AP2B1: variants seen among roughly 807,000 people sequenced by gnomAD.
The protein encoded by AP2B1 is adaptor related protein complex 2 subunit beta 1.
A neutral mutation model predicts 102.0 loss-of-function variants in AP2B1; 23 were observed. That is an observed-to-expected ratio of 0.23 (90% confidence interval 0.16 to 0.32). The LOEUF (loss-of-function observed/expected upper bound fraction) is 0.32. Among genes scored for constraint, AP2B1 ranks in the 10% least tolerant of loss-of-function variants. The pLI is 1.00. For missense variants in AP2B1, 541 were observed against 1,157.4 expected, an observed-to-expected ratio of 0.47 and a Z score of 7.73; for synonymous variants, 381 against 421.2, an observed-to-expected ratio of 0.90 and a Z score of 1.17.
chr17:35,602,985 T>G (rs1345100605), intron 3 of AP2B1, among the ~76,000 whole-genome samples: 1 of 152,194 alleles, frequency 6.6e-6, no homozygotes, highest in Non-Finnish European at 1.5e-5. Context: ...GAGTATTTAC[T>G]AAATATCTAC....
intron 14 of AP2B1, among the ~76,000 whole-genome samples, chr17:35,669,836 C>T (rs1227802036): frequency 3.3e-5 from 5 of 152,140 alleles, no homozygotes; most frequent in Non-Finnish European, 7.3e-5. Flanking sequence ...TTAGAACAGA[C>T]AAGGCATTTG....
intron 17 of AP2B1, among the ~76,000 whole-genome samples, chr17:35,682,332 CT>C (rs146718015): frequency 0.038 from 5,272 of 139,450 alleles, 216 homozygotes; most frequent in East Asian, 0.097. Flanking sequence ...AAAATCCTGC[CT>C]CTTTTTTTTT....
chr17:35,615,009 G>A (rs1301716013), intron 5 of AP2B1, among the ~76,000 whole-genome samples: 2 of 152,124 alleles, frequency 1.3e-5, no homozygotes, highest in African/African-American at 4.8e-5. Context: ...AGTGCTACTG[G>A]CATATATCGG....
At chr17:35,632,918 T>A (rs2142645226) in intron 9 of AP2B1, among the ~76,000 whole-genome samples, 1 of 151,704 alleles carries the variant, frequency 6.6e-6, no homozygotes, top group East Asian at 1.9e-4. Context: ...ACATAATTTA[T>A]TAATATAACA....
At chr17:35,713,573 C>T (rs1456100725) in intron 20 of AP2B1, among the ~76,000 whole-genome samples, 1 of 152,204 alleles carries the variant, frequency 6.6e-6, no homozygotes, top group Non-Finnish European at 1.5e-5. Flanking sequence ...TCCAGCTGAT[C>T]TGCCCTAATC....
chr17:35,603,869 C>T (rs1439646883), intron 3 of AP2B1, among the ~76,000 whole-genome samples: 3 of 152,184 alleles, frequency 2.0e-5, no homozygotes, highest in Non-Finnish European at 4.4e-5. Context: ...ACTGGAGCCA[C>T]CCGCGAAAAG....
intron 10 of AP2B1, among the ~76,000 whole-genome samples, chr17:35,637,457 G>A (rs992512964): frequency 2.6e-5 from 4 of 152,244 alleles, no homozygotes; most frequent in South Asian, 4.1e-4. Context: ...TGGGATTACA[G>A]GCATGAGCCA....
intron 9 of AP2B1, among the ~76,000 whole-genome samples, chr17:35,634,045 G>T (rs1472023210): frequency 3.3e-5 from 5 of 152,212 alleles, no homozygotes; most frequent in Admixed American, 3.3e-4. Context: ...TACTCGGGAG[G>T]CTGAGGCAGG....
At chr17:35,686,933 C>T (rs1044659019) in intron 18 of AP2B1, among the ~76,000 whole-genome samples, 18 of 152,096 alleles carry the variant, frequency 1.2e-4, no homozygotes, top group Non-Finnish European at 4.4e-5. Context: ...GCTGAGATCG[C>T]GCCACTGCAC....
chr17:35,589,352 G>A (rs1015219627), intron 1 of AP2B1, among the ~76,000 whole-genome samples: 1 of 152,138 alleles, frequency 6.6e-6, no homozygotes, highest in Admixed American at 6.5e-5. Context: ...ACTGAGCTTT[G>A]TAAAGTCCCA....
intron 20 of AP2B1, among the ~76,000 whole-genome samples, chr17:35,712,901 G>T (rs1361938032): frequency 2.0e-5 from 3 of 152,182 alleles, no homozygotes; most frequent in African/African-American, 7.2e-5. Flanking sequence ...AACACTCTCC[G>T]AGAGAGAACA....
intron 9 of AP2B1, among the ~76,000 whole-genome samples, chr17:35,633,357 C>A (rs74571676): frequency 2.8e-3 from 358 of 128,878 alleles, no homozygotes; most frequent in Admixed American, 2.6e-3. Context: ...GACTGTGTCT[C>A]AAAAAAAAAA....
At chr17:35,707,568 T>C (rs1283419316) in intron 18 of AP2B1, among the ~76,000 whole-genome samples, 6 of 150,366 alleles carry the variant, frequency 4.0e-5, no homozygotes, top group Admixed American at 6.7e-5. Context: ...TTCTCCCACC[T>C]CAGCCTCCTG....
At chr17:35,653,763 A>G (rs982589357) in intron 13 of AP2B1, among the ~76,000 whole-genome samples, 2 of 151,938 alleles carry the variant, frequency 1.3e-5, no homozygotes, top group East Asian at 2.0e-4. Flanking sequence ...GACGTGAGCC[A>G]CTGCGCCCGG....
At chr17:35,617,350 A>G (rs2074054334) in intron 5 of AP2B1, among the ~76,000 whole-genome samples, 1 of 152,198 alleles carries the variant, frequency 6.6e-6, no homozygotes. Context: ...GTGAGCCACC[A>G]TGCCCAGCAG....
intron 3 of AP2B1, among the ~76,000 whole-genome samples, chr17:35,604,984 C>T (rs2073618624): frequency 6.6e-6 from 1 of 152,080 alleles, no homozygotes; most frequent in Non-Finnish European, 1.5e-5. Flanking sequence ...AGTGCAGTGA[C>T]GTGATCATGG....
At chr17:35,604,360 T>C (rs928038290) in intron 3 of AP2B1, among the ~76,000 whole-genome samples, 1 of 152,096 alleles carries the variant, frequency 6.6e-6, no homozygotes, top group African/African-American at 2.4e-5. Flanking sequence ...CCTCCCACCA[T>C]GGCCTCGCAA....
intron 18 of AP2B1, among the ~76,000 whole-genome samples, chr17:35,705,540 G>A (rs982963076): frequency 6.6e-6 from 1 of 151,462 alleles, no homozygotes; most frequent in Non-Finnish European, 1.5e-5. Context: ...TTTTTTATTT[G>A]AGATGGAGCC....
intron 14 of AP2B1, among the ~76,000 whole-genome samples, chr17:35,661,827 C>T (rs1018643411): frequency 6.6e-6 from 1 of 152,202 alleles, no homozygotes; most frequent in African/African-American, 2.4e-5. Context: ...TTTACTGTCA[C>T]ACTCATAAAA....
Sources: gnomAD v4.1 joint callset for allele counts (sites outside exome capture counted in the v4.1 genomes callset) on GRCh38, gnomAD v4.1.1 for gene constraint, MANE v1.5 for transcripts, NCBI Gene and HGNC (gene_info 2026-07-23, HGNC 2026-07-21) for gene names.